The following ADGRB3 variants were observed in gnomAD, a reference collection of about 807,000 sequenced individuals.
ADGRB3 encodes adhesion G protein-coupled receptor B3.
A neutral mutation model predicts 193.4 loss-of-function variants in ADGRB3; 37 were observed. That is an observed-to-expected ratio of 0.19 (90% confidence interval 0.15 to 0.25). The LOEUF (loss-of-function observed/expected upper bound fraction) is 0.25, where lower values mean the gene tolerates loss of function less well. Among genes scored for constraint, ADGRB3 ranks in the 10% least tolerant of loss-of-function variants. The probability of loss-of-function intolerance (pLI) is 1.00; values close to 1 mark genes in which losing one functional copy is unlikely to be tolerated. For missense variants in ADGRB3, 1,637 were observed against 1,852.9 expected, an observed-to-expected ratio of 0.88 and a Z score of 2.14; for synonymous variants, 690 against 644.2, an observed-to-expected ratio of 1.07 and a Z score of -1.08.
chr6:69,069,131 T>C (rs553172603), intron 16 of ADGRB3, among the ~76,000 whole-genome samples: 7 of 152,278 alleles, frequency 4.6e-5, no homozygotes, highest in African/African-American at 1.7e-4. Flanking sequence ...TAGCTCCTTC[T>C]AAGTATCATT....
At chr6:68,972,387 GATGGAGCCAGGAGGGC>G (rs539324746) in intron 8 of ADGRB3, among the ~76,000 whole-genome samples, 233 of 152,244 alleles carry the variant, frequency 1.5e-3, no homozygotes, top group African/African-American at 5.5e-3. Context: ...CAGGTGCTTT[GATGGAGCCAGGAGGGC>G]ATGGCCAGGC....
At chr6:69,172,656 AAAAAAAAAAAAAAAAAG>A (rs1351307896) in intron 17 of ADGRB3, among the ~76,000 whole-genome samples, 1 of 146,514 alleles carries the variant, frequency 6.8e-6, no homozygotes, top group Non-Finnish European at 1.5e-5. Context: ...AAAAAAAAAA[AAAAAAAAAAAAAAAAAG>A]AGAAATAAAG....
intron 3 of ADGRB3, among the ~76,000 whole-genome samples, chr6:68,891,280 C>A (rs9942434): frequency 6.6e-6 from 1 of 151,992 alleles, no homozygotes; most frequent in Non-Finnish European, 1.5e-5. Context: ...ATGGGAGCTA[C>A]GAGATGAGGT....
intron 17 of ADGRB3, among the ~76,000 whole-genome samples, chr6:69,114,928 TA>T (rs1318116114): frequency 6.6e-6 from 1 of 152,112 alleles, no homozygotes; most frequent in Non-Finnish European, 1.5e-5. Context: ...TGGCGATCAT[TA>T]AAAAGTCAAG....
intron 3 of ADGRB3, among the ~76,000 whole-genome samples, chr6:68,916,209 C>T (rs527364889): frequency 1.3e-5 from 2 of 152,018 alleles, no homozygotes; most frequent in African/African-American, 4.8e-5. Flanking sequence ...TTAAGAAAAA[C>T]AGGACTACTA....
intron 5 of ADGRB3, among the ~76,000 whole-genome samples, chr6:68,938,623 A>G (rs1167855569): frequency 1.3e-5 from 2 of 152,074 alleles, no homozygotes; most frequent in Admixed American, 1.3e-4. Flanking sequence ...GGTATAATAG[A>G]TCTCTTGAAT....
intron 17 of ADGRB3, among the ~76,000 whole-genome samples, chr6:69,133,660 A>C (rs1774073453): frequency 7.3e-6 from 1 of 137,356 alleles, no homozygotes; most frequent in African/African-American, 2.6e-5. Context: ...GCAGAGACAC[A>C]ACAAAAAAAG....
chr6:69,099,154 T>C (rs961904816), intron 17 of ADGRB3, among the ~76,000 whole-genome samples: 4 of 152,196 alleles, frequency 2.6e-5, no homozygotes, highest in Non-Finnish European at 5.9e-5. Flanking sequence ...ATTTAGTAGG[T>C]AGAAGTCTGA....
chr6:68,856,148 G>T (rs1020917218), intron 3 of ADGRB3, among the ~76,000 whole-genome samples: 1 of 152,114 alleles, frequency 6.6e-6, no homozygotes, highest in Non-Finnish European at 1.5e-5. Flanking sequence ...AGCCACATGG[G>T]ACTGTGAATT....
At chr6:68,719,052 G>C (rs1489136124) in intron 3 of ADGRB3, among the ~76,000 whole-genome samples, 1 of 151,816 alleles carries the variant, frequency 6.6e-6, no homozygotes, top group Non-Finnish European at 1.5e-5. Flanking sequence ...GCACTTAATA[G>C]AATGTTTTGT....
intron 20 of ADGRB3, among the ~76,000 whole-genome samples, chr6:69,282,153 A>G (rs770713870): frequency 2.6e-5 from 4 of 152,134 alleles, no homozygotes; most frequent in Non-Finnish European, 5.9e-5. Context: ...CTCAAGAGCA[A>G]TGTCTCCAAA....
intron 3 of ADGRB3, among the ~76,000 whole-genome samples, chr6:68,725,722 T>A (rs1562006888): frequency 6.6e-6 from 1 of 151,426 alleles, no homozygotes; most frequent in East Asian, 1.9e-4. Context: ...AAAATCAAGA[T>A]TTGAGCATTA....
At chr6:68,791,956 C>G (rs1767116007) in intron 3 of ADGRB3, among the ~76,000 whole-genome samples, 1 of 152,058 alleles carries the variant, frequency 6.6e-6, no homozygotes, top group Admixed American at 6.6e-5. Context: ...AAGGTTAATG[C>G]AGGATTGAAC....
chr6:68,841,085 G>T (rs1316718479), intron 3 of ADGRB3, among the ~76,000 whole-genome samples: 2 of 151,316 alleles, frequency 1.3e-5, no homozygotes, highest in African/African-American at 4.8e-5. Flanking sequence ...GAACACTGAA[G>T]CACCCCAATA....
chr6:69,384,960 C>CT (rs11397847), intron 31 of ADGRB3, among the ~76,000 whole-genome samples: 91,908 of 141,540 alleles, frequency 0.65, 29,929 homozygotes, highest in East Asian at 0.84. Flanking sequence ...CTTTTCTTTT[C>CT]TTTTTTTTTT....
intron 15 of ADGRB3, among the ~76,000 whole-genome samples, chr6:69,051,707 T>G (rs1375391720): frequency 6.6e-6 from 1 of 152,188 alleles, no homozygotes; most frequent in Non-Finnish European, 1.5e-5. Flanking sequence ...GCACCAATTA[T>G]AGGTCTGCTA....
At chr6:69,358,091 T>A (rs1769372503) in intron 28 of ADGRB3, among the ~76,000 whole-genome samples, 1 of 151,960 alleles carries the variant, frequency 6.6e-6, no homozygotes, top group African/African-American at 2.4e-5. Flanking sequence ...TTTGGTGTAC[T>A]CATTACAGTT....
chr6:69,298,785 A>C (rs1767889289), intron 20 of ADGRB3, among the ~76,000 whole-genome samples: 1 of 151,990 alleles, frequency 6.6e-6, no homozygotes, highest in South Asian at 2.1e-4. Flanking sequence ...TCATCCATTG[A>C]TGGATACTTA....
chr6:68,744,781 A>G (rs1012083266), intron 3 of ADGRB3, among the ~76,000 whole-genome samples: 1 of 152,114 alleles, frequency 6.6e-6, no homozygotes, highest in South Asian at 2.1e-4. Flanking sequence ...AGAAATGCCT[A>G]ATGTAGGTTG....
Sources: allele counts gnomAD v4.1 joint callset (sites outside exome capture counted in the v4.1 genomes callset), GRCh38; gene constraint gnomAD v4.1.1; transcripts MANE v1.5; gene names NCBI Gene and HGNC (gene_info 2026-07-23, HGNC 2026-07-21).